GRIN2A: variants seen among roughly 807,000 people sequenced by gnomAD.
GRIN2A encodes glutamate receptor ionotropic, NMDA 2A.
In GRIN2A, 22 loss-of-function variants were observed where a neutral mutation model predicts 113.4. The observed-to-expected ratio is 0.19, with a 90% CI of 0.14 to 0.28. The LOEUF is 0.28. GRIN2A is among the 10% of genes least tolerant of loss of function. GRIN2A has a pLI of 1.00. For synonymous variants in GRIN2A, 827 were observed against 738.4 expected, an observed-to-expected ratio of 1.12 and a Z score of -1.94; for missense variants, 1,502 against 1,887.0, an observed-to-expected ratio of 0.80 and a Z score of 3.78.
chr16:9,769,165 C>T, intron 11 of GRIN2A, 76 bp from the exon 12 acceptor site: 3 of 1,141,306 alleles, frequency 2.6e-6, no homozygotes, highest in Non-Finnish European at 4.0e-6. Context: ...GGGTTTGGAA[C>T]AGACGATGTG....
At chr16:10,065,077 G>C (rs941507304) in intron 2 of GRIN2A, among the ~76,000 whole-genome samples, 3 of 152,170 alleles carry the variant, frequency 2.0e-5, no homozygotes, top group Non-Finnish European at 1.5e-5. Flanking sequence ...TGATAACATA[G>C]ACTCTCCACA....
At chr16:10,120,773 G>C (rs575041156) in intron 2 of GRIN2A, among the ~76,000 whole-genome samples, 42 of 152,216 alleles carry the variant, frequency 2.8e-4, no homozygotes, top group Non-Finnish European at 5.3e-4. Context: ...GTTAGTTCAA[G>C]AGAAACTGTT....
At position 9,759,132 on chromosome 16, in the gene GRIN2A, C is replaced by G. The variant is rs892038863; in HGVS notation, c.*4017G>C. 9.2e-6 allele frequency: 2 copies of G among 217,466 alleles called. No individual in the cohort carries two copies. The highest frequency in any genetic ancestry group is 5.8e-5 in the Admixed American group (1 of 17,228). The allele number at this position is 217,466 out of a possible 1,614,324, so 13.5% of individuals were successfully genotyped here. A position where few individuals can be genotyped will look rare whatever the true frequency, so the allele number is the denominator to read the frequency against. ...GCATAATGTTAACGAATATATCCAG[C>G]TCCTCTGTAAGGTATTTAGAGTTCT... is the stretch of plus-strand genomic sequence containing the variant. On this transcript the variant is annotated 3_prime_UTR_variant, in exon 13 of 13. Transcript: ENST00000330684.
chr16:9,986,804 T>A (rs903908170), intron 2 of GRIN2A, among the ~76,000 whole-genome samples: 6 of 151,264 alleles, frequency 4.0e-5, no homozygotes, highest in Non-Finnish European at 8.8e-5. Flanking sequence ...GTTTATTTTG[T>A]CAGTATTTTA....
intron 2 of GRIN2A, among the ~76,000 whole-genome samples, chr16:10,015,252 C>CAAAAAAA (rs200124835): frequency 0.2 from 3,728 of 18,714 alleles, 647 homozygotes; most frequent in Middle Eastern, 0.33. Context: ...GACTTCATCT[C>CAAAAAAA]AAAAAAAAAA....
At chr16:9,966,461 T>C (rs1452948565) in intron 2 of GRIN2A, among the ~76,000 whole-genome samples, 1 of 152,244 alleles carries the variant, frequency 6.6e-6, no homozygotes, top group Admixed American at 6.5e-5. Context: ...ATCCTTTTCT[T>C]ATGGCTGCAT....
intron 10 of GRIN2A, among the ~76,000 whole-genome samples, chr16:9,813,184 A>C (rs2042119280): frequency 6.6e-6 from 1 of 152,234 alleles, no homozygotes; most frequent in Non-Finnish European, 1.5e-5. Context: ...AGCTAAATTA[A>C]TTAATATTCC....
intron 11 of GRIN2A, among the ~76,000 whole-genome samples, chr16:9,779,459 G>A (rs1291176466): frequency 6.6e-6 from 1 of 152,096 alleles, no homozygotes; most frequent in Non-Finnish European, 1.5e-5. Context: ...GTATACACAA[G>A]GAGCTTAATG....
rs536940989 is a variant in GRIN2A at position 9,874,896 on chromosome 16, G to C, written c.1122+16090C>G. ...GGCTCAGGAATTTGAGACCAGCCTGGGCAATCTAGCAAAACCCTGTCTCTA... is the reference window on the plus strand; with the variant it reads ...GGCTCAGGAATTTGAGACCAGCCTGCGCAATCTAGCAAAACCCTGTCTCTA... On this transcript the variant is annotated intron_variant, in intron 4 of 12. Transcript: ENST00000330684. 2.0e-5 allele frequency among the ~76,000 whole-genome samples: 3 copies of C among 151,938 alleles called. No individual in the cohort carries two copies. The East Asian group carries it at 6.0e-4, about 30-fold the overall frequency.
chr16:10,145,322 G>T (rs1003586208), intron 2 of GRIN2A, among the ~76,000 whole-genome samples: 15 of 152,112 alleles, frequency 9.9e-5, no homozygotes, highest in African/African-American at 3.4e-4. Flanking sequence ...TCTCATCTCA[G>T]GTGTTCTCAC....
chr16:10,144,033 C>T (rs1197823167), intron 2 of GRIN2A, among the ~76,000 whole-genome samples: 3 of 151,884 alleles, frequency 2.0e-5, no homozygotes, highest in Non-Finnish European at 4.4e-5. Flanking sequence ...CCATAATGAA[C>T]ATGAGTGAAC....
At chr16:9,851,955 C>T (rs1052060409) in intron 4 of GRIN2A, among the ~76,000 whole-genome samples, 5 of 152,204 alleles carry the variant, frequency 3.3e-5, no homozygotes, top group African/African-American at 9.7e-5. Context: ...GAACTGTCAC[C>T]TTACCTGTAA....
At position 9,938,380 on chromosome 16, in the gene GRIN2A, C is replaced by G; in HGVS notation, c.586G>C (p.Val196Leu). The change falls in exon 3 of 13, where the codon GTG becomes CTG. Residue 196 changes from valine to leucine, a missense_variant. Physicochemically the swap from Val to Leu is conservative, Grantham distance 32 (BLOSUM62 1). Around this residue, in one of 7 missense-constraint regions of GRIN2A, gnomAD observed 334 missense variants for 403.0 expected, o/e 0.83. Coordinates refer to ENST00000330684, the MANE Select transcript of GRIN2A (RefSeq NM_001134407.3). ...FVKTTVDNSF[V>L]GWDMQNVITL... is the part of the protein sequence containing the mutation. ...ATCACATTCTGCATGTCCCAGCCCA[C>G]AAAGCTGTTGTCCACTGTGGTCTTG... The G allele has an allele frequency of 6.2e-7, 1 of 1,614,148 alleles. No homozygotes were observed.
rs1479014685 is a variant in GRIN2A, at chr16:9,755,082, A to G, written c.*8067T>C. ...AAGAGGTCATGACCCAGGGCTAATG[A>G]AGAATGTTCTAGGATTGCAAAAATG... On this transcript the variant is annotated 3_prime_UTR_variant, in exon 13 of 13. Coordinates refer to ENST00000330684, the MANE Select transcript of GRIN2A (RefSeq NM_001134407.3). 2 of 199,290 alleles carry G rather than the reference A, an allele frequency of 1.0e-5. No homozygotes were observed. The highest frequency in any genetic ancestry group is 6.0e-5 in the Admixed American group (1 of 16,594). The allele number at this position is 199,290 out of a possible 1,614,324, so 12.3% of individuals were successfully genotyped here.
chr16:9,794,598 C>T (rs796090557), intron 11 of GRIN2A: 144 of 152,298 alleles, frequency 9.5e-4, no homozygotes, highest in African/African-American at 3.3e-3. Context: ...CATTTTCTCT[C>T]CCAAGTCTTA....
chr16:9,953,023 G>A (rs1166885893), intron 2 of GRIN2A, among the ~76,000 whole-genome samples: 18 of 152,036 alleles, frequency 1.2e-4, no homozygotes, highest in African/African-American at 7.2e-5. Flanking sequence ...TTTTATCTTC[G>A]GGAAGGACCA....
intron 4 of GRIN2A, among the ~76,000 whole-genome samples, chr16:9,873,684 T>C (rs1367925743): frequency 1.3e-5 from 2 of 152,238 alleles, no homozygotes; most frequent in Admixed American, 1.3e-4. Flanking sequence ...AAGTCTCGTC[T>C]CTAAATCTTA....
At chr16:9,976,652 C>G (rs2045778469) in intron 2 of GRIN2A, among the ~76,000 whole-genome samples, 1 of 152,136 alleles carries the variant, frequency 6.6e-6, no homozygotes, top group Non-Finnish European at 1.5e-5. Flanking sequence ...TTTAACACGA[C>G]TAATACCATC....
intron 2 of GRIN2A, among the ~76,000 whole-genome samples, chr16:10,021,172 G>T (rs967673562): frequency 6.6e-6 from 1 of 152,126 alleles, no homozygotes; most frequent in African/African-American, 2.4e-5. Context: ...ACCACAGCTG[G>T]GTCCCCTAAG....
Sources: gnomAD v4.1 joint callset for allele counts (sites outside exome capture counted in the v4.1 genomes callset) on GRCh38, gnomAD v4.1.1 for gene constraint, gnomAD v4.1.1 regional missense constraint, MANE v1.5 for transcripts, NCBI Gene and HGNC (gene_info 2026-07-23, HGNC 2026-07-21) for gene names.